SINHCAF: variants seen among roughly 807,000 people sequenced by gnomAD.
SINHCAF encodes SIN3-HDAC complex-associated factor.
Under a neutral mutation model 25.8 loss-of-function variants are expected in SINHCAF, and 3 were observed. The ratio of observed to expected loss-of-function variants is 0.12; its 90% confidence interval spans 0.05 to 0.30. The LOEUF (loss-of-function observed/expected upper bound fraction) is 0.30. Among genes scored for constraint, SINHCAF ranks in the 10% least tolerant of loss-of-function variants. The pLI is 1.00. For synonymous variants in SINHCAF, 70 were observed against 85.5 expected, an observed-to-expected ratio of 0.82 and a Z score of 1.00; for missense variants, 121 against 262.3, an observed-to-expected ratio of 0.46 and a Z score of 3.72.
intron 1 of SINHCAF, among the ~76,000 whole-genome samples, chr12:31,313,190 A>G (rs993967450): frequency 2.7e-5 from 4 of 147,644 alleles, no homozygotes; most frequent in African/African-American, 5.0e-5. Context: ...ACGCCCAGCT[A>G]TTTTTTTTTT....
At chr12:31,311,842 C>A in intron 1 of SINHCAF, 1 of 478,078 alleles carries the variant, frequency 2.1e-6, no homozygotes. Context: ...GAATGTTGTC[C>A]CAGCGTTGAT....
intron 2 of SINHCAF, chr12:31,297,163 T>C (rs1381363585): frequency 3.2e-6 from 1 of 308,820 alleles, no homozygotes; most frequent in Non-Finnish European, 6.5e-6. Flanking sequence ...TTAACTATTC[T>C]GAAGGTGTCA....
intron 2 of SINHCAF, 128 bp downstream of exon 2, chr12:31,297,949 C>A (rs1303124776): frequency 4.1e-6 from 4 of 975,564 alleles, no homozygotes; most frequent in Non-Finnish European, 6.1e-6. Context: ...AGGAGACTTA[C>A]ACAGCCTAAA....
At chr12:31,321,164 A>C (rs1939679879) in intron 1 of SINHCAF, among the ~76,000 whole-genome samples, 1 of 152,200 alleles carries the variant, frequency 6.6e-6, no homozygotes, top group Non-Finnish European at 1.5e-5. Flanking sequence ...TCAATAAAAA[A>C]CTGGAGAAAC....
chr12:31,294,385 G>A (rs999774880), intron 3 of SINHCAF, among the ~76,000 whole-genome samples: 1 of 152,150 alleles, frequency 6.6e-6, no homozygotes, highest in Non-Finnish European at 1.5e-5. Flanking sequence ...TATGCATTTT[G>A]CCTTATTTCA....
chr12:31,318,415 T>A (rs555006426), intron 1 of SINHCAF, among the ~76,000 whole-genome samples: 1 of 152,302 alleles, frequency 6.6e-6, no homozygotes, highest in South Asian at 2.1e-4. Context: ...AACAGCCTCT[T>A]CAAACATGTG....
Position 31,292,405 on chromosome 12 carries a change from A to G in SINHCAF, c.355+1400T>C, listed in dbSNP as rs186899583. ...TCCCAGCTACTCAGGAGGCTGAGGCACAAGAATTGCTTGTACCCCAGAGGC... is the reference window on the plus strand; with the variant it reads ...TCCCAGCTACTCAGGAGGCTGAGGCGCAAGAATTGCTTGTACCCCAGAGGC... On this transcript the variant is annotated intron_variant, in intron 4 of 5. Transcript: ENST00000337682. 8.2e-4 allele frequency among the ~76,000 whole-genome samples: 125 copies of G among 152,210 alleles called. 1 individual carries two copies. Among genetic ancestry groups the G allele is most frequent in the African/African-American group, 2.6e-3 (109 of 41,516 alleles).
rs150421579 is a variant in SINHCAF, at chr12:31,297,718, G to A, written c.128+359C>T. 4.0e-5 allele frequency among the ~76,000 whole-genome samples: 6 copies of A among 151,038 alleles called. No homozygotes were observed. The East Asian group carries it at 5.9e-4, about 15-fold the overall frequency. On this transcript the variant is annotated intron_variant, in intron 2 of 5. Transcript: ENST00000337682. The stretch of plus-strand genomic sequence containing the variant: ...GATCTCTTGACCTCGTGATCCGCCC[G>A]CCTCGGCCTCCCAAAATGCTCTCAG...
chr12:31,296,487 T>C (rs575205953), intron 2 of SINHCAF, among the ~76,000 whole-genome samples: 28 of 151,742 alleles, frequency 1.8e-4, no homozygotes, highest in Non-Finnish European at 2.6e-4. Flanking sequence ...TTCATAAGTA[T>C]CAAAATGCTA....
At chr12:31,311,927 G>T in intron 1 of SINHCAF, 2 of 572,492 alleles carry the variant, frequency 3.5e-6, no homozygotes, top group South Asian at 2.9e-5. Context: ...ATCTTTTCAA[G>T]AATGTGTGGC....
chr12:31,303,908 T>C, intron 1 of SINHCAF: 1 of 152,166 alleles, frequency 6.6e-6, no homozygotes, highest in East Asian at 1.9e-4. Flanking sequence ...CCATTTAGCT[T>C]GCTTGGAAAT....
At chr12:31,313,218 G>A (rs779924852) in intron 1 of SINHCAF, among the ~76,000 whole-genome samples, 3 of 136,464 alleles carry the variant, frequency 2.2e-5, no homozygotes, top group South Asian at 2.1e-4. Context: ...TAGTAGAGAC[G>A]GTTTCACCAT....
chr12:31,286,304 G>A (rs1287495662), intron 5 of SINHCAF, among the ~76,000 whole-genome samples: 1 of 151,490 alleles, frequency 6.6e-6, no homozygotes, highest in Admixed American at 6.6e-5. Flanking sequence ...AAACCTTAAA[G>A]GAATGTTCAA....
chr12:31,303,900 AT>A (rs1938914425), intron 1 of SINHCAF: 1 of 152,146 alleles, frequency 6.6e-6, no homozygotes, highest in African/African-American at 2.4e-5. Flanking sequence ...TCTTGTAACC[AT>A]TTAGCTTGCT....
chr12:31,321,558 T>A (rs749105968), intron 1 of SINHCAF, among the ~76,000 whole-genome samples: 11 of 152,320 alleles, frequency 7.2e-5, no homozygotes, highest in South Asian at 4.1e-4. Flanking sequence ...ACTGGCTTAA[T>A]TACAACTTAT....
intron 1 of SINHCAF, among the ~76,000 whole-genome samples, chr12:31,322,462 A>G (rs1939734302): frequency 6.6e-6 from 1 of 152,258 alleles, no homozygotes; most frequent in Non-Finnish European, 1.5e-5. Context: ...TTTTCTTGAC[A>G]TGCTCTTTCT....
At chr12:31,289,383 C>A (rs932762462) in intron 4 of SINHCAF, among the ~76,000 whole-genome samples, 1 of 152,006 alleles carries the variant, frequency 6.6e-6, no homozygotes, top group Non-Finnish European at 1.5e-5. Context: ...ATAAACTAAA[C>A]CAAGAGAAAA....
chr12:31,293,154 A>G (rs1299499778), intron 4 of SINHCAF, among the ~76,000 whole-genome samples: 1 of 152,218 alleles, frequency 6.6e-6, no homozygotes, highest in African/African-American at 2.4e-5. Context: ...TTCAAACCCC[A>G]AGGGTAATAG....
intron 1 of SINHCAF, chr12:31,323,858 G>C (rs1451571143): frequency 2.3e-6 from 1 of 438,778 alleles, no homozygotes; most frequent in African/African-American, 2.0e-5. Flanking sequence ...CAGCTCGGCT[G>C]GGGAGGAGGT....
Sources: allele counts gnomAD v4.1 joint callset (sites outside exome capture counted in the v4.1 genomes callset), GRCh38; gene constraint gnomAD v4.1.1; transcripts MANE v1.5; gene names NCBI Gene and HGNC (gene_info 2026-07-23, HGNC 2026-07-21).